PSEN1: variants seen among roughly 807,000 people sequenced by gnomAD.
PSEN1 encodes presenilin 1.
A neutral mutation model predicts 53.5 loss-of-function variants in PSEN1; 15 were observed. The ratio of observed to expected loss-of-function variants is 0.28; its 90% CI spans 0.19 to 0.43. PSEN1 has a LOEUF of 0.43. Ranked by LOEUF, PSEN1 falls within the 20% of genes least tolerant of loss-of-function variation. The probability of loss-of-function intolerance (pLI) is 1.00; values close to 1 mark genes in which losing one functional copy is unlikely to be tolerated. For synonymous variants in PSEN1, 208 were observed against 209.8 expected (o/e 0.99, Z 0.08); for missense variants, 387 against 571.2 (o/e 0.68, Z 3.29).
At chr14:73,214,255 G>A (rs536083442) in intron 10 of PSEN1, among the ~76,000 whole-genome samples, 54 of 152,036 alleles carry the variant, frequency 3.6e-4, no homozygotes, top group Non-Finnish European at 7.5e-4. Context: ...ATTGCTGGGC[G>A]CAGTGGCTCA....
At chr14:73,146,775 A>C (rs1018735895) in intron 1 of PSEN1, among the ~76,000 whole-genome samples, 7 of 152,310 alleles carry the variant, frequency 4.6e-5, no homozygotes, top group Non-Finnish European at 1.0e-4. Flanking sequence ...ACATTGAGAA[A>C]ATTTTTTTAT....
chr14:73,186,366 C>T (rs1016861097), intron 5 of PSEN1, among the ~76,000 whole-genome samples: 6 of 150,968 alleles, frequency 4.0e-5, no homozygotes, highest in African/African-American at 4.9e-5. Context: ...GCAACAAGAG[C>T]GAAACTCCGT....
At chr14:73,204,365 G>A (rs1246403185) in intron 8 of PSEN1, among the ~76,000 whole-genome samples, 1 of 150,910 alleles carries the variant, frequency 6.6e-6, no homozygotes, top group Non-Finnish European at 1.5e-5. Flanking sequence ...TTTGTGTTAA[G>A]GTGAAATGAA....
At chr14:73,185,145 C>G (rs1292788517) in intron 5 of PSEN1, among the ~76,000 whole-genome samples, 1 of 151,820 alleles carries the variant, frequency 6.6e-6, no homozygotes, top group Non-Finnish European at 1.5e-5. Context: ...CAGAGGGGCT[C>G]CTCACATCCC....
intron 3 of PSEN1, among the ~76,000 whole-genome samples, chr14:73,151,895 T>TATATATATATATATATATATATA (rs1491464395): frequency 1.3e-3 from 14 of 10,944 alleles, no homozygotes; most frequent in African/African-American, 9.0e-3. Flanking sequence ...TATATATATA[T>TATATATATATATATATATATATA]TTTTTTTTTT....
chr14:73,183,857 C>A (rs2140067775), intron 5 of PSEN1, among the ~76,000 whole-genome samples: 1 of 151,564 alleles, frequency 6.6e-6, no homozygotes, highest in African/African-American at 2.4e-5. Context: ...GGGCTCCTCA[C>A]TTCCCAGTAG....
At chr14:73,194,152 C>T (rs1436654821) in intron 7 of PSEN1, among the ~76,000 whole-genome samples, 7 of 152,186 alleles carry the variant, frequency 4.6e-5, no homozygotes, top group African/African-American at 1.4e-4. Flanking sequence ...TACTCTGTGG[C>T]TGTTGCCTTG....
At chr14:73,170,448 G>A (rs533198551) in intron 3 of PSEN1, among the ~76,000 whole-genome samples, 1 of 152,300 alleles carries the variant, frequency 6.6e-6, no homozygotes, top group Admixed American at 6.5e-5. Flanking sequence ...TGAAATCACA[G>A]AAAGCTGAAT....
intron 3 of PSEN1, among the ~76,000 whole-genome samples, chr14:73,157,378 A>C (rs1273670779): frequency 6.6e-6 from 1 of 151,556 alleles, no homozygotes; most frequent in African/African-American, 2.4e-5. Flanking sequence ...ACTTCAGATG[A>C]TCCGCCTGCC....
intron 5 of PSEN1, among the ~76,000 whole-genome samples, chr14:73,186,650 A>G (rs2140079749): frequency 6.6e-6 from 1 of 152,044 alleles, no homozygotes; most frequent in Non-Finnish European, 1.5e-5. Context: ...GGTGGCGCGC[A>G]CGCGTGGTTC....
intron 6 of PSEN1, among the ~76,000 whole-genome samples, chr14:73,192,023 C>T (rs1306127508): frequency 6.6e-6 from 1 of 152,082 alleles, no homozygotes; most frequent in Non-Finnish European, 1.5e-5. Context: ...TCTTCGTACT[C>T]ATTTTTATAG....
chr14:73,147,415 G>A (rs1024560953), intron 1 of PSEN1: 9 of 160,404 alleles, frequency 5.6e-5, no homozygotes, highest in Admixed American at 1.2e-4. Context: ...ATTGTGATAA[G>A]GATAAGATGA....
chr14:73,186,447 C>G (rs1276632513), intron 5 of PSEN1, among the ~76,000 whole-genome samples: 1 of 152,058 alleles, frequency 6.6e-6, no homozygotes, highest in Non-Finnish European at 1.5e-5. Context: ...TTCTGTTGGC[C>G]TTTGCCAAAT....
At chr14:73,141,534 T>G (rs2140493568) in intron 1 of PSEN1, among the ~76,000 whole-genome samples, 1 of 152,350 alleles carries the variant, frequency 6.6e-6, no homozygotes, top group South Asian at 2.1e-4. Flanking sequence ...GGCTCACGCC[T>G]GTAATCCCAG....
At chr14:73,202,767 C>T (rs1899282526) in intron 8 of PSEN1, among the ~76,000 whole-genome samples, 2 of 151,346 alleles carry the variant, frequency 1.3e-5, no homozygotes, top group Admixed American at 1.3e-4. Context: ...CCACCGTGCC[C>T]AGCCTATCAT....
At chr14:73,209,450 T>G (rs376825259) in intron 9 of PSEN1, among the ~76,000 whole-genome samples, 7 of 152,366 alleles carry the variant, frequency 4.6e-5, no homozygotes, top group African/African-American at 1.4e-4. Context: ...TCTGTGAGCA[T>G]GTAGGTATAT....
intron 10 of PSEN1, 117 bp from the exon 11 acceptor site, chr14:73,217,009 T>C (rs1039860755): frequency 8.7e-7 from 1 of 1,146,220 alleles, no homozygotes; most frequent in African/African-American, 1.5e-5. Flanking sequence ...ATTTTGTATA[T>C]CATTTACTGA....
intron 1 of PSEN1, among the ~76,000 whole-genome samples, chr14:73,144,232 G>A (rs1483882459): frequency 6.6e-6 from 1 of 151,802 alleles, no homozygotes; most frequent in Non-Finnish European, 1.5e-5. Context: ...GGTAGAGATC[G>A]GGTTTCACCA....
intron 1 of PSEN1, among the ~76,000 whole-genome samples, chr14:73,144,778 T>C (rs1249680433): frequency 1.3e-5 from 2 of 152,272 alleles, no homozygotes; most frequent in Admixed American, 6.5e-5. Context: ...TATTTAATAG[T>C]ATCTCTACTA....
Sources: allele counts gnomAD v4.1 joint callset (sites outside exome capture counted in the v4.1 genomes callset), GRCh38; gene constraint gnomAD v4.1.1; transcripts MANE v1.5; gene names NCBI Gene and HGNC (gene_info 2026-07-23, HGNC 2026-07-21).